Variants in FNDC3A observed in about 807,000 individuals in gnomAD.
FNDC3A encodes the protein fibronectin type III domain containing 3A, also known as fibronectin type-III domain-containing protein 3A.
Under a neutral mutation model 148.9 loss-of-function variants are expected in FNDC3A, and 32 were observed. The observed-to-expected ratio is 0.21, with a 90% CI of 0.16 to 0.29. The LOEUF (loss-of-function observed/expected upper bound fraction) is 0.29, where lower values mean the gene tolerates loss of function less well. Ranked by LOEUF, FNDC3A falls within the 10% of genes least tolerant of loss-of-function variation. The probability of loss-of-function intolerance (pLI) is 1.00; values close to 1 mark genes in which losing one functional copy is unlikely to be tolerated. For synonymous variants in FNDC3A, 472 were observed against 473.6 expected (o/e 1.00, Z 0.04); for missense variants, 1,191 against 1,452.8 (o/e 0.82, Z 2.93).
chr13:49,035,481 T>G (rs1874429083), intron 2 of FNDC3A, among the ~76,000 whole-genome samples: 1 of 152,030 alleles, frequency 6.6e-6, no homozygotes, highest in African/African-American at 2.4e-5. Context: ...TACAGTTAAA[T>G]TAAAAGCTGC....
intron 9 of FNDC3A, 34 bp from the exon 10 acceptor site, chr13:49,168,579 A>C (rs1340235855): frequency 6.4e-7 from 1 of 1,554,744 alleles, no homozygotes; most frequent in Admixed American, 1.7e-5. Context: ...TACAGTGATT[A>C]TGAAAGGTAA....
intron 7 of FNDC3A, among the ~76,000 whole-genome samples, chr13:49,145,099 G>A (rs571345568): frequency 6.6e-6 from 1 of 151,980 alleles, no homozygotes; most frequent in Admixed American, 6.6e-5. Flanking sequence ...TAAGTTTATA[G>A]GATATTACCC....
At chr13:49,044,807 T>C in intron 2 of FNDC3A, 1 of 416,788 alleles carries the variant, frequency 2.4e-6, no homozygotes, top group East Asian at 6.8e-5. Flanking sequence ...TGCCAGGCCA[T>C]TTTTTCAATA....
chr13:49,203,121 A>G, intron 24 of FNDC3A, 36 bp from the exon 25 acceptor site: 1 of 1,418,026 alleles, frequency 7.1e-7, no homozygotes, highest in Non-Finnish European at 9.7e-7. Flanking sequence ...TTAAAAATCA[A>G]GTGGAACAGA....
chr13:49,015,248 A>G (rs1952470413), intron 2 of FNDC3A, among the ~76,000 whole-genome samples: 1 of 152,174 alleles, frequency 6.6e-6, no homozygotes, highest in South Asian at 2.1e-4. Context: ...ATGTTCTTCC[A>G]TTTGTTTGTA....
At chr13:49,124,883 C>T (rs1030019487) in intron 4 of FNDC3A, among the ~76,000 whole-genome samples, 3 of 152,132 alleles carry the variant, frequency 2.0e-5, no homozygotes, top group Non-Finnish European at 2.9e-5. Flanking sequence ...ATAACACTTC[C>T]GCTATTTCAG....
rs200485511 is a variant in FNDC3A at position 49,114,413 on chromosome 13, CCG to C, written c.176-240_176-239del. 4.2e-3 allele frequency among the ~76,000 whole-genome samples: 448 copies of C among 106,600 alleles called. 6 individuals are homozygous for C. The highest frequency in any genetic ancestry group is 0.014 in the Middle Eastern group (3 of 222). 69.9% of individuals were successfully genotyped at this position (106,600 alleles called of 152,430 possible). On this transcript the variant is annotated intron_variant, in intron 3 of 25. Coordinates refer to ENST00000492622, the MANE Select transcript of FNDC3A (RefSeq NM_001079673.2). ...TGTTTTAAAAAGCCCTCCAACCTCC[CCG>C]CCCCCCACCACCCCTACCCCAGCAA...
intron 1 of FNDC3A, among the ~76,000 whole-genome samples, chr13:48,979,509 C>G (rs1951661554): frequency 6.6e-6 from 1 of 151,976 alleles, no homozygotes; most frequent in Non-Finnish European, 1.5e-5. Context: ...CAAGAGCATC[C>G]AAGGACAGAA....
chr13:49,036,287 C>G (rs1318351852), intron 2 of FNDC3A, among the ~76,000 whole-genome samples: 1 of 152,138 alleles, frequency 6.6e-6, no homozygotes, highest in Non-Finnish European at 1.5e-5. Flanking sequence ...CCATTAACCA[C>G]ATGTGACTAT....
intron 4 of FNDC3A, among the ~76,000 whole-genome samples, chr13:49,129,752 T>C (rs1881917521): frequency 6.6e-6 from 1 of 152,188 alleles, no homozygotes; most frequent in African/African-American, 2.4e-5. Context: ...GTTAATTCAT[T>C]TGGTCATCTA....
intron 1 of FNDC3A, among the ~76,000 whole-genome samples, chr13:48,997,021 C>T (rs954175114): frequency 2.6e-5 from 4 of 151,588 alleles, no homozygotes; most frequent in Non-Finnish European, 4.4e-5. Flanking sequence ...GGAGATCGCA[C>T]CATTGCACTC....
At chr13:49,101,794 G>GTTTTTTTTTTTTTTTTTTTTTTTTTTTAT (rs570292116) in intron 3 of FNDC3A, among the ~76,000 whole-genome samples, 1 of 103,374 alleles carries the variant, frequency 9.7e-6, no homozygotes, top group African/African-American at 3.6e-5. Context: ...ACCTGCTTTA[G>GTTTTTTTTTTTTTTTTTTTTTTTTTTTAT]TTTTTTTTTT....
At chr13:49,087,138 C>G (rs748493214) in intron 3 of FNDC3A, among the ~76,000 whole-genome samples, 5 of 151,996 alleles carry the variant, frequency 3.3e-5, no homozygotes, top group Non-Finnish European at 7.4e-5. Context: ...CAAAATATCA[C>G]TGTTATAGTT....
At chr13:49,003,795 T>C (rs897371303) in intron 1 of FNDC3A, among the ~76,000 whole-genome samples, 1 of 152,164 alleles carries the variant, frequency 6.6e-6, no homozygotes, top group Admixed American at 6.6e-5. Flanking sequence ...TACAAAGATG[T>C]CCAGGTTTTT....
rs190822202 is a variant in FNDC3A, at chr13:49,001,650, G to A, written c.-39-4502G>A. ...TGCTTTGGGGGCGGCTGTCTTTTAC[G>A]GTCAAAGCTGTGGGATGAAATAAGC... On this transcript the variant is annotated intron_variant, in intron 1 of 25. Coordinates refer to ENST00000492622, the MANE Select transcript of FNDC3A (RefSeq NM_001079673.2). Among the ~76,000 whole-genome samples, 20 of 152,174 alleles carry A rather than the reference G, an allele frequency of 1.3e-4. No homozygotes were observed. In the East Asian group the frequency reaches 2.5e-3, roughly 19 times the overall value.
intron 2 of FNDC3A, among the ~76,000 whole-genome samples, chr13:49,034,042 A>G (rs1214103804): frequency 6.6e-6 from 1 of 152,032 alleles, no homozygotes; most frequent in Non-Finnish European, 1.5e-5. Context: ...CTTATAACTT[A>G]TATTTATTGC....
intron 3 of FNDC3A, among the ~76,000 whole-genome samples, chr13:49,095,137 G>GTA (rs1009187683): frequency 4.0e-5 from 6 of 151,796 alleles, no homozygotes; most frequent in African/African-American, 1.2e-4. Flanking sequence ...ATTTAAAAAT[G>GTA]TATATATATT....
chr13:49,143,792 A>G (rs1023119555), intron 7 of FNDC3A, among the ~76,000 whole-genome samples: 1 of 152,008 alleles, frequency 6.6e-6, no homozygotes, highest in Admixed American at 6.6e-5. Flanking sequence ...GTGCTTCCCT[A>G]TTTAATATTT....
At chr13:49,136,632 T>A in intron 6 of FNDC3A, 31 bp downstream of exon 6, 1 of 1,591,704 alleles carries the variant, frequency 6.3e-7, no homozygotes. Flanking sequence ...ACTGTTCTCA[T>A]TGATGCTATT....
Sources: gnomAD v4.1 joint callset for allele counts (sites outside exome capture counted in the v4.1 genomes callset) on GRCh38, gnomAD v4.1.1 for gene constraint, MANE v1.5 for transcripts, NCBI Gene and HGNC (gene_info 2026-07-23, HGNC 2026-07-21) for gene names.